The following NCAM1 variants were observed in gnomAD, a reference collection of about 807,000 sequenced individuals.
The protein encoded by NCAM1 is neural cell adhesion molecule 1.
Under a neutral mutation model 109.8 loss-of-function variants are expected in NCAM1, and 14 were observed. The observed-to-expected ratio is 0.13, with a 90% confidence interval of 0.08 to 0.20. The LOEUF (loss-of-function observed/expected upper bound fraction) is 0.20, where lower values mean the gene tolerates loss of function less well. Among genes scored for constraint, NCAM1 ranks in the 10% least tolerant of loss-of-function variants. The pLI is 1.00. For missense variants in NCAM1, 774 were observed against 1,109.9 expected (o/e 0.70, Z 4.30); for synonymous variants, 418 against 442.9 (o/e 0.94, Z 0.70).
At chr11:113,092,765 ACACT>A (rs1939411043) in intron 1 of NCAM1, among the ~76,000 whole-genome samples, 2 of 152,144 alleles carry the variant, frequency 1.3e-5, no homozygotes. Context: ...ATAAGTAATT[ACACT>A]CACTTGTGGA....
chr11:113,022,839 T>C (rs7941072), intron 1 of NCAM1, among the ~76,000 whole-genome samples: 39,914 of 151,988 alleles, frequency 0.26, 5,740 homozygotes, highest in East Asian at 0.53. Context: ...TGGCTCAACA[T>C]GGCTGCTACA....
At chr11:113,263,738 A>G (rs1467684113) in intron 17 of NCAM1, 21 of 985,392 alleles carry the variant, frequency 2.1e-5, no homozygotes, top group Non-Finnish European at 2.5e-5. Flanking sequence ...GTGGTTCAGC[A>G]GTGACCCACA....
intron 11 of NCAM1, 133 bp downstream of exon 11, chr11:113,232,487 A>G: frequency 1.0e-6 from 1 of 1,004,156 alleles, no homozygotes; most frequent in Admixed American, 2.8e-5. Context: ...GCTAGAGAAG[A>G]CACTGAGCCT....
At chr11:113,156,549 G>A (rs1258650698) in intron 1 of NCAM1, among the ~76,000 whole-genome samples, 1 of 152,162 alleles carries the variant, frequency 6.6e-6, no homozygotes, top group Non-Finnish European at 1.5e-5. Flanking sequence ...GGTGGCATGA[G>A]AAAGGCTCTC....
chr11:113,177,852 C>T (rs1446286990), intron 1 of NCAM1, among the ~76,000 whole-genome samples: 1 of 152,160 alleles, frequency 6.6e-6, no homozygotes, highest in African/African-American at 2.4e-5. Context: ...TCTGCTTTCT[C>T]TCTTTCCTCT....
chr11:112,977,171 T>C (rs934851647), intron 1 of NCAM1, among the ~76,000 whole-genome samples: 11 of 151,788 alleles, frequency 7.2e-5, no homozygotes, highest in African/African-American at 2.7e-4. Flanking sequence ...TTCTTAAATG[T>C]GCATATGTGT....
rs35387760 is a variant in NCAM1, at chr11:113,210,775, A to AACACACACACACAC, written c.916+2807_916+2820dup. Among the ~76,000 whole-genome samples the AACACACACACACAC allele has an allele frequency of 3.2e-3, 419 of 130,956 alleles. 2 individuals are homozygous for AACACACACACACAC. The highest frequency in any genetic ancestry group is 0.019 in the East Asian group (83 of 4,300). The allele number at this position is 130,956 out of a possible 152,430, so 85.9% of individuals were successfully genotyped here. ...GACACATACACCCCTCTTCATCACA[A>AACACACACACACAC]ACACACACACACACACACACACACA... On this transcript the variant is annotated intron_variant, in intron 7 of 19. Coordinates refer to ENST00000316851, the MANE Select transcript of NCAM1 (RefSeq NM_181351.5).
At chr11:112,972,409 A>G (rs138672322) in intron 1 of NCAM1, among the ~76,000 whole-genome samples, 4 of 152,266 alleles carry the variant, frequency 2.6e-5, no homozygotes, top group African/African-American at 4.8e-5. Flanking sequence ...TATCTTGCCT[A>G]TAATTCAGAA....
chr11:113,103,176 T>C (rs1318020884), intron 1 of NCAM1, among the ~76,000 whole-genome samples: 1 of 152,158 alleles, frequency 6.6e-6, no homozygotes, highest in Non-Finnish European at 1.5e-5. Flanking sequence ...TTTCTGTTCA[T>C]TATTTATTCT....
At chr11:112,988,779 C>T (rs1951382316) in intron 1 of NCAM1, among the ~76,000 whole-genome samples, 1 of 132,732 alleles carries the variant, frequency 7.5e-6, no homozygotes, top group Admixed American at 8.4e-5. Context: ...GATGGATTCT[C>T]ACTCTGTTGC....
intron 1 of NCAM1, among the ~76,000 whole-genome samples, chr11:113,134,817 A>T (rs1941539968): frequency 6.6e-6 from 1 of 152,148 alleles, no homozygotes; most frequent in Non-Finnish European, 1.5e-5. Context: ...TGAGCTCAAG[A>T]TTAGTCATGA....
intron 1 of NCAM1, among the ~76,000 whole-genome samples, chr11:113,083,120 TGTTTA>T (rs775774066): frequency 1.3e-5 from 2 of 152,150 alleles, no homozygotes; most frequent in Non-Finnish European, 2.9e-5. Flanking sequence ...TATTTGTGCT[TGTTTA>T]GTTTAACAAG....
chr11:113,001,190 G>A (rs909450166), intron 1 of NCAM1, among the ~76,000 whole-genome samples: 4 of 152,106 alleles, frequency 2.6e-5, no homozygotes, highest in African/African-American at 7.2e-5. Context: ...GGTCTGGAGC[G>A]ATCACCACTT....
rs1565546642 is a variant in NCAM1, at chr11:113,277,848, T to TC, written c.*2461_*2462insC. 6.7e-5 allele frequency: 2 copies of TC among 29,674 alleles called. 1 individual carries two copies. The highest frequency in any genetic ancestry group is 6.1e-4 in the African/African-American group (2 of 3,302). 1.8% of individuals were successfully genotyped at this position (29,674 alleles called of 1,614,324 possible). A position where few individuals can be genotyped will look rare whatever the true frequency, so the allele number is the denominator to read the frequency against. ...GTCTCAGCATGCAAGAGTTTTTCCT[T>TC]TAAAAAAAAAAAAAAAAAAAAAAAA... On this transcript the variant is annotated 3_prime_UTR_variant, in exon 20 of 20. Coordinates refer to ENST00000316851, the MANE Select transcript of NCAM1 (RefSeq NM_181351.5).
intron 1 of NCAM1, among the ~76,000 whole-genome samples, chr11:113,020,876 C>T (rs1565386941): frequency 6.6e-6 from 1 of 152,102 alleles, no homozygotes; most frequent in Non-Finnish European, 1.5e-5. Flanking sequence ...CCTGCCTCAG[C>T]CTCTTGAGTA....
chr11:113,066,393 C>A (rs1048719138), intron 1 of NCAM1, among the ~76,000 whole-genome samples: 4 of 152,100 alleles, frequency 2.6e-5, no homozygotes, highest in Non-Finnish European at 5.9e-5. Flanking sequence ...TTACGTAAGG[C>A]TTTGACTATT....
chr11:113,240,006 T>C (rs782592600), intron 14 of NCAM1, among the ~76,000 whole-genome samples: 2 of 152,218 alleles, frequency 1.3e-5, no homozygotes, highest in Non-Finnish European at 2.9e-5. Context: ...CAAAGATCCA[T>C]TCAGTGTCCC....
rs539181765 is a variant in NCAM1 at position 113,241,850 on chromosome 11, T to G, written c.1826-4518T>G. On this transcript the variant is annotated intron_variant, in intron 14 of 19. Transcript: ENST00000316851. ...CTGGCTGGCTTTATTCTCCTTGATATATCAGAAGCCCCTGTGGTTTGGACT... is the reference window on the plus strand; with the variant it reads ...CTGGCTGGCTTTATTCTCCTTGATAGATCAGAAGCCCCTGTGGTTTGGACT... Among the ~76,000 whole-genome samples the G allele has an allele frequency of 2.0e-5, 3 of 152,336 alleles. No homozygotes were observed. The East Asian group carries it at 5.8e-4, about 29-fold the overall frequency.
intron 1 of NCAM1, among the ~76,000 whole-genome samples, chr11:113,023,737 G>T (rs1202862059): frequency 2.0e-5 from 3 of 152,232 alleles, no homozygotes; most frequent in South Asian, 2.1e-4. Flanking sequence ...TAGGAACTTT[G>T]TCGGTTTTCT....
Sources: allele counts gnomAD v4.1 joint callset (sites outside exome capture counted in the v4.1 genomes callset), GRCh38; gene constraint gnomAD v4.1.1; transcripts MANE v1.5; gene names NCBI Gene and HGNC (gene_info 2026-07-23, HGNC 2026-07-21).